Variants in SV2C observed in about 807,000 individuals in gnomAD.
SV2C encodes the protein synaptic vesicle glycoprotein 2C.
A neutral mutation model predicts 79.7 loss-of-function variants in SV2C; 49 were observed. The observed-to-expected ratio is 0.61, with a 90% CI of 0.49 to 0.78. SV2C has a LOEUF of 0.78. SV2C is among the 30% of genes least tolerant of loss of function. The probability of loss-of-function intolerance (pLI) is 0.00; values close to 1 mark genes in which losing one functional copy is unlikely to be tolerated. For synonymous variants in SV2C, 334 were observed against 333.2 expected (o/e 1.00, Z -0.03); for missense variants, 833 against 912.9 (o/e 0.91, Z 1.13).
chr5:76,335,129 CAT>C (rs1286873078), downstream of SV2C, among the ~76,000 whole-genome samples: 5 of 152,200 alleles, frequency 3.3e-5, no homozygotes, highest in Non-Finnish European at 7.3e-5. Context: ...ACACTGAAAA[CAT>C]AGAATATCCC....
At chr5:75,982,511 G>A in the SV2C span, among the ~76,000 whole-genome samples, 1 of 152,200 alleles carries the variant, frequency 6.6e-6, no homozygotes, top group Non-Finnish European at 1.5e-5. Flanking sequence ...TTATGCTGTT[G>A]GTGGGAGTGT....
chr5:76,039,072 A>G, the SV2C span, among the ~76,000 whole-genome samples: 2 of 152,206 alleles, frequency 1.3e-5, no homozygotes, highest in Admixed American at 6.5e-5. Flanking sequence ...CTAGACATTC[A>G]AGATGTGTCA....
the SV2C span, among the ~76,000 whole-genome samples, chr5:76,003,138 T>C: frequency 3.3e-5 from 5 of 152,310 alleles, no homozygotes; most frequent in South Asian, 8.3e-4. Flanking sequence ...AATAAGGACG[T>C]CTTTGCTTCC....
intron 2 of SV2C, among the ~76,000 whole-genome samples, chr5:76,144,361 T>A (rs1400420638): frequency 3.3e-5 from 5 of 152,202 alleles, no homozygotes; most frequent in Non-Finnish European, 5.9e-5. Flanking sequence ...CATGTAAAAT[T>A]GTGCAGGTTG....
chr5:76,045,738 G>T, the SV2C span, among the ~76,000 whole-genome samples: 1 of 152,054 alleles, frequency 6.6e-6, no homozygotes, highest in Non-Finnish European at 1.5e-5. Context: ...TTGCTTCTAG[G>T]TATGAGTATA....
In SV2C at chr5:76,223,606, C is replaced by T. The variant is rs148066108; in HGVS notation, c.913+13719C>T. 2.2e-4 allele frequency among the ~76,000 whole-genome samples: 33 copies of T among 151,266 alleles called. No homozygotes were observed. The Middle Eastern group carries it at 0.01, about 47-fold the overall frequency. On this transcript the variant is annotated intron_variant, in intron 4 of 12. Coordinates refer to ENST00000502798, the MANE Select transcript of SV2C (RefSeq NM_014979.4). ...TTGATACTTGTGTTTCCCTCAAAGA[C>T]AACATAACTTCTCTCTTCTCCTCCC... is the stretch of plus-strand genomic sequence containing the variant.
the SV2C span, among the ~76,000 whole-genome samples, chr5:75,853,560 A>G: frequency 0.036 from 5,004 of 140,916 alleles, 294 homozygotes; most frequent in African/African-American, 0.11. Context: ...CTTCTCAAAA[A>G]AAAAAAAAAA....
intron 6 of SV2C, among the ~76,000 whole-genome samples, chr5:76,290,732 G>C (rs1304138875): frequency 6.6e-6 from 1 of 152,174 alleles, no homozygotes; most frequent in Non-Finnish European, 1.5e-5. Flanking sequence ...GTTAGGCTGT[G>C]GGAGAAGGAA....
the SV2C span, among the ~76,000 whole-genome samples, chr5:76,024,331 T>C: frequency 2.0e-5 from 3 of 152,170 alleles, no homozygotes; most frequent in African/African-American, 4.8e-5. Context: ...AATATATATA[T>C]TTGCTGGGCT....
chr5:75,925,906 G>A, the SV2C span, among the ~76,000 whole-genome samples: 1 of 151,958 alleles, frequency 6.6e-6, no homozygotes, highest in African/African-American at 2.4e-5. Context: ...GTTAATCTTA[G>A]GTTTCCATGA....
intron 2 of SV2C, among the ~76,000 whole-genome samples, chr5:76,143,799 T>C (rs1199795934): frequency 6.6e-6 from 1 of 152,186 alleles, no homozygotes; most frequent in Non-Finnish European, 1.5e-5. Context: ...TGGTCTTGAA[T>C]TTTTTCAAAC....
intron 12 of SV2C, among the ~76,000 whole-genome samples, chr5:76,345,538 C>G (rs547979850): frequency 6.6e-6 from 1 of 152,196 alleles, no homozygotes; most frequent in African/African-American, 2.4e-5. Flanking sequence ...GCTCCCTAGA[C>G]GAGGAACACC....
chr5:76,273,622 G>T (rs1239009190), intron 4 of SV2C, among the ~76,000 whole-genome samples: 1 of 152,140 alleles, frequency 6.6e-6, no homozygotes, highest in Non-Finnish European at 1.5e-5. Flanking sequence ...TCCACCGCTG[G>T]CTGCTCCTCT....
chr5:76,037,107 AG>A, the SV2C span, among the ~76,000 whole-genome samples: 6 of 152,046 alleles, frequency 3.9e-5, no homozygotes, highest in Non-Finnish European at 8.8e-5. Context: ...AGCTCCTTTA[AG>A]CACTTCTCTG....
chr5:76,015,049 T>A, the SV2C span, among the ~76,000 whole-genome samples: 1 of 152,168 alleles, frequency 6.6e-6, no homozygotes, highest in African/African-American at 2.4e-5. Context: ...CCCTTGTAGT[T>A]AAGGTTGGGG....
Position 76,131,697 on chromosome 5 carries a change from G to T in SV2C, c.-54G>T. On this transcript the variant is annotated 5_prime_UTR_variant, in exon 2 of 13. The change abolishes the stop of an existing upstream ORF in the 5' untranslated region. Transcript: ENST00000502798. ...ATGATGCTGTCAGAGCTGAACCACT[G>T]AAAGGAGGCTGTGAAAATTTCCCAT... 1.3e-6 allele frequency: 2 copies of T among 1,507,464 alleles called. No individual in the cohort carries two copies. Among genetic ancestry groups the T allele is most frequent in the East Asian group, 2.3e-5 (1 of 43,934 alleles). 93.4% of individuals were successfully genotyped at this position (1,507,464 alleles called of 1,614,324 possible). A position where few individuals can be genotyped will look rare whatever the true frequency, so the allele number is the denominator to read the frequency against.
At chr5:76,205,167 GTA>G (rs1554039994) in intron 3 of SV2C, among the ~76,000 whole-genome samples, 37 of 151,534 alleles carry the variant, frequency 2.4e-4, no homozygotes, top group African/African-American at 8.0e-4. Flanking sequence ...GTGTGTGTGT[GTA>G]TGTGTGTGTG....
At chr5:75,973,497 GAAAAAAAGA>G in the SV2C span, among the ~76,000 whole-genome samples, 3 of 143,430 alleles carry the variant, frequency 2.1e-5, no homozygotes, top group East Asian at 2.0e-4. Context: ...TGCCTCAAAA[GAAAAAAAGA>G]AAAAAAAGAA....
At chr5:76,072,555 G>T in the SV2C span, among the ~76,000 whole-genome samples, 1 of 152,174 alleles carries the variant, frequency 6.6e-6, no homozygotes, top group Non-Finnish European at 1.5e-5. Flanking sequence ...TGGTATCTCA[G>T]GTGGTGGGTA....
Sources: allele counts gnomAD v4.1 joint callset (sites outside exome capture counted in the v4.1 genomes callset), GRCh38; gene constraint gnomAD v4.1.1; transcripts MANE v1.5; gene names NCBI Gene and HGNC (gene_info 2026-07-23, HGNC 2026-07-21).